The following SCARB1 variants were observed in gnomAD, a reference collection of about 807,000 sequenced individuals.
SCARB1 encodes the protein scavenger receptor class B member 1, also known as CD36 and LIMPII analogous 1.
Under a neutral mutation model 57.2 loss-of-function variants are expected in SCARB1, and 30 were observed. That is an observed-to-expected ratio of 0.52 (90% CI 0.39 to 0.71). The LOEUF is 0.71. Among genes scored for constraint, SCARB1 ranks in the 30% least tolerant of loss-of-function variants. SCARB1 has a pLI of 0.00. For synonymous variants in SCARB1, 249 were observed against 268.3 expected (o/e 0.93, Z 0.70); for missense variants, 543 against 671.2 (o/e 0.81, Z 2.11).
At position 124,822,089 on chromosome 12, in the gene SCARB1, G is replaced by A. The variant is rs923389402; in HGVS notation, c.127-4382C>T. Among the ~76,000 whole-genome samples the A allele has an allele frequency of 6.6e-6, 1 of 152,190 alleles. No homozygotes were observed. The highest frequency in any genetic ancestry group is 1.5e-5 in the Non-Finnish European group (1 of 68,022). Reference sequence around the variant, plus strand: ...CCCAGGAAGGCTGCCTGGAGGAGGGGACATCTGAGCTGGGAATTTTAAAAT... The same window carrying A: ...CCCAGGAAGGCTGCCTGGAGGAGGGAACATCTGAGCTGGGAATTTTAAAAT... On this transcript the variant is annotated intron_variant, in intron 1 of 12. Coordinates refer to ENST00000261693, the MANE Select transcript of SCARB1 (RefSeq NM_005505.5). This position sits in a 1 kb window ranked among gnomAD's most constrained non-coding sequence, Gnocchi z 5.0.
At chr12:124,819,682 C>A (rs35670604) in intron 1 of SCARB1, among the ~76,000 whole-genome samples, 91 of 152,332 alleles carry the variant, frequency 6.0e-4, no homozygotes, top group African/African-American at 2.2e-3. Context: ...AGCTGCGTCA[C>A]CTTCCACCCT....
At chr12:124,783,073 C>A in intron 11 of SCARB1, 1 of 454,802 alleles carries the variant, frequency 2.2e-6, no homozygotes, top group South Asian at 2.4e-5. Context: ...TTTAAGCCAG[C>A]GAGGAAGCAA....
chr12:124,823,710 G>A (rs1046651280), intron 1 of SCARB1, among the ~76,000 whole-genome samples: 1 of 152,164 alleles, frequency 6.6e-6, no homozygotes, highest in African/African-American at 2.4e-5. Flanking sequence ...CGCAATGGGC[G>A]AAAACGACCC....
rs375537893 is a variant in SCARB1 at position 124,814,948 on chromosome 12, G to A, written c.426+25C>T. 2.6e-5 allele frequency: 42 copies of A among 1,613,966 alleles called. No individual in the cohort carries two copies. The African/African-American group carries it at 3.3e-4, about 13-fold the overall frequency. On this transcript the variant is annotated intron_variant, in intron 3 of 12. Coordinates refer to ENST00000261693, the MANE Select transcript of SCARB1 (RefSeq NM_005505.5). This position sits in a 1 kb window ranked among gnomAD's most constrained non-coding sequence, Gnocchi z 4.7. The stretch of plus-strand genomic sequence containing the variant: ...AGGGGACGAGGTCAGGGTGCGAGGC[G>A]GCGTGGGCCACAGGGCAGCCTCACC...
At chr12:124,788,671 C>T (rs1435421204) in intron 9 of SCARB1, among the ~76,000 whole-genome samples, 6 of 152,180 alleles carry the variant, frequency 3.9e-5, no homozygotes, top group South Asian at 2.1e-4. Context: ...CAGACATCCT[C>T]TAAAAGAAGA....
At chr12:124,820,689 G>A (rs562770555) in intron 1 of SCARB1, among the ~76,000 whole-genome samples, 1 of 152,274 alleles carries the variant, frequency 6.6e-6, no homozygotes, top group South Asian at 2.1e-4. Flanking sequence ...TCCAGCTGCT[G>A]GTGCTCCCCC....
Position 124,817,353 on chromosome 12 carries a change from TAAA to T in SCARB1, c.284+194_284+196del, listed in dbSNP as rs60063887. Reference sequence around the variant, plus strand: ...GGGCAACATAGCAAGATCCCATCTCTAAAAAAAAAAAAAAAAAAAAAAAAAACC... The same window carrying T: ...GGGCAACATAGCAAGATCCCATCTCTAAAAAAAAAAAAAAAAAAAAAAACC... On this transcript the variant is annotated intron_variant, in intron 2 of 12. Coordinates refer to ENST00000261693, the MANE Select transcript of SCARB1 (RefSeq NM_005505.5). This position sits in a 1 kb window ranked among gnomAD's most constrained non-coding sequence, Gnocchi z 4.8. Among the ~76,000 whole-genome samples the T allele has an allele frequency of 9.1e-3, 627 of 68,754 alleles. 4 individuals are homozygous for T. The highest frequency in any genetic ancestry group is 0.029 in the Middle Eastern group (3 of 104). The allele number at this position is 68,754 out of a possible 152,430, so 45.1% of individuals were successfully genotyped here.
Position 124,807,622 on chromosome 12 carries a change from C to G in SCARB1, c.1009+139G>C. The G allele has an allele frequency of 1.3e-6, 1 of 787,150 alleles. No homozygotes were observed. Among genetic ancestry groups the G allele is most frequent in the South Asian group, 1.8e-5 (1 of 56,234 alleles). The allele number at this position is 787,150 out of a possible 1,614,324, so 48.8% of individuals were successfully genotyped here. ...TCTTCCTTTTCAGATTATCTTCCTG[C>G]GGCCTCATTATCTTCGCCTAATGGG... On this transcript the variant is annotated intron_variant, in intron 7 of 12. Transcript: ENST00000261693. This position sits in a 1 kb window ranked among gnomAD's most constrained non-coding sequence, Gnocchi z 5.3.
chr12:124,839,636 T>G, intron 1 of SCARB1: 3 of 985,244 alleles, frequency 3.0e-6, no homozygotes, highest in East Asian at 1.1e-4. Context: ...AGCTGCACCA[T>G]CCTACATTCC....
intron 8 of SCARB1, among the ~76,000 whole-genome samples, chr12:124,798,202 G>A (rs546289358): frequency 1.3e-5 from 2 of 152,096 alleles, no homozygotes; most frequent in African/African-American, 4.8e-5. Context: ...CTTGAGGCCA[G>A]GAGTTCCAGA....
chr12:124,863,558 G>A, intron 1 of SCARB1, 37 bp downstream of exon 1: 1 of 1,590,862 alleles, frequency 6.3e-7, no homozygotes, highest in East Asian at 2.3e-5. Context: ...AACAGCCCGG[G>A]TCCGTGCGCG....
chr12:124,831,819 G>A (rs1951406439), intron 1 of SCARB1, among the ~76,000 whole-genome samples: 2 of 152,188 alleles, frequency 1.3e-5, no homozygotes, highest in African/African-American at 2.4e-5. Context: ...TCGTCACTGC[G>A]ATCTTCCTTC....
In SCARB1 at chr12:124,778,245, G is replaced by A. The variant is rs1011807127; in HGVS notation, c.*342C>T. On this transcript the variant is annotated 3_prime_UTR_variant, in exon 13 of 13. Coordinates refer to ENST00000261693, the MANE Select transcript of SCARB1 (RefSeq NM_005505.5). ...CCAACGGCTGAACGGGACAGGCCAG[G>A]CTCACCCGAGGAAGGGGACGCAGGA... 2.5e-6 allele frequency: 1 copy of A among 403,534 alleles called. No homozygotes were observed. The allele number at this position is 403,534 out of a possible 1,614,324, so 25.0% of individuals were successfully genotyped here.
At chr12:124,798,514 C>G (rs1051376175) in intron 8 of SCARB1, among the ~76,000 whole-genome samples, 2 of 152,116 alleles carry the variant, frequency 1.3e-5, no homozygotes, top group Non-Finnish European at 2.9e-5. Flanking sequence ...GGAAAGCAAA[C>G]CCTGCATGAC....
intron 1 of SCARB1, among the ~76,000 whole-genome samples, chr12:124,862,155 AT>A (rs1352588226): frequency 6.6e-6 from 1 of 152,184 alleles, no homozygotes; most frequent in East Asian, 1.9e-4. Flanking sequence ...ACGTTTCAGT[AT>A]GAGTAGGCCA....
chr12:124,799,681 C>T (rs1037106652), intron 8 of SCARB1, among the ~76,000 whole-genome samples: 7 of 152,154 alleles, frequency 4.6e-5, no homozygotes, highest in Admixed American at 3.9e-4. Flanking sequence ...GAAGAGGCCA[C>T]AAGCTGAAGG....
At position 124,814,179 on chromosome 12, in the gene SCARB1, G is replaced by C; in HGVS notation, c.630+23C>G. On this transcript the variant is annotated intron_variant, in intron 4 of 12. Coordinates refer to ENST00000261693, the MANE Select transcript of SCARB1 (RefSeq NM_005505.5). This position sits in a 1 kb window ranked among gnomAD's most constrained non-coding sequence, Gnocchi z 4.7. ...GACAGGACACAGGCCTGAATCTTTGGCTTCTCACCAGGCCACACGTACCTC... is the reference window on the plus strand; with the variant it reads ...GACAGGACACAGGCCTGAATCTTTGCCTTCTCACCAGGCCACACGTACCTC... 1 of 1,607,924 alleles carries C rather than the reference G, an allele frequency of 6.2e-7. No homozygotes were observed. The highest frequency in any genetic ancestry group is 8.5e-7 in the Non-Finnish European group (1 of 1,174,446).
intron 1 of SCARB1, among the ~76,000 whole-genome samples, chr12:124,829,356 C>G (rs540799381): frequency 1.3e-5 from 2 of 152,270 alleles, no homozygotes; most frequent in South Asian, 4.2e-4. Flanking sequence ...TCTTGCCCCC[C>G]GCCCCGTTCT....
At chr12:124,802,127 G>A (rs1393284631) in intron 7 of SCARB1, among the ~76,000 whole-genome samples, 6 of 134,982 alleles carry the variant, frequency 4.4e-5, no homozygotes, top group Non-Finnish European at 9.2e-5. Context: ...TCCAGCCTTG[G>A]CAACAGAGCA....
Sources: allele counts gnomAD v4.1 joint callset (sites outside exome capture counted in the v4.1 genomes callset), GRCh38; gene constraint gnomAD v4.1.1; non-coding constraint Gnocchi (gnomAD v3.1); transcripts MANE v1.5; gene names NCBI Gene and HGNC (gene_info 2026-07-23, HGNC 2026-07-21).